Variants in PPFIBP1 observed in about 807,000 individuals in gnomAD.
PPFIBP1 encodes PPFIB scaffold protein 1.
A neutral mutation model predicts 137.8 loss-of-function variants in PPFIBP1; 112 were observed. The observed-to-expected ratio is 0.81, with a 90% CI of 0.70 to 0.95. PPFIBP1 has a LOEUF of 0.95. Ranked by LOEUF, PPFIBP1 falls within the 40% of genes least tolerant of loss-of-function variation. The pLI is 0.00. For missense variants in PPFIBP1, 1,083 were observed against 1,196.6 expected, an observed-to-expected ratio of 0.91 and a Z score of 1.40; for synonymous variants, 378 against 417.3, an observed-to-expected ratio of 0.91 and a Z score of 1.15.
At chr12:27,560,666 T>C (rs1332083605) in intron 1 of PPFIBP1, among the ~76,000 whole-genome samples, 1 of 152,180 alleles carries the variant, frequency 6.6e-6, no homozygotes, top group African/African-American at 2.4e-5. Flanking sequence ...AGTTGAGTAT[T>C]ATTATTACTT....
intron 1 of PPFIBP1, among the ~76,000 whole-genome samples, chr12:27,552,098 A>G (rs1354530901): frequency 6.6e-6 from 1 of 152,222 alleles, no homozygotes. Context: ...TTTCTAATGA[A>G]TTCTCACACA....
chr12:27,598,235 C>T (rs2053546958), intron 2 of PPFIBP1, among the ~76,000 whole-genome samples: 1 of 152,200 alleles, frequency 6.6e-6, no homozygotes, highest in South Asian at 2.1e-4. Flanking sequence ...GTTTAATGGA[C>T]TCACAGTTCC....
rs1256446022 is a variant in PPFIBP1 at position 27,635,095 on chromosome 12, G to A, written c.250G>A (p.Glu84Lys). The A allele has an allele frequency of 6.2e-7, 1 of 1,614,192 alleles. No homozygotes were observed. Among genetic ancestry groups the A allele is most frequent in the East Asian group, 2.2e-5 (1 of 44,880 alleles). Reference protein sequence around the residue: ...IPDSTAETLVEWLQSQMTNGH... With the variant: ...IPDSTAETLVKWLQSQMTNGH... ...AGATTCAACAGCAGAAACGCTTGTT[G>A]AATGGCTTCAGAGTCAAATGGTAGG... Residue 84 changes from glutamate (E) to lysine (K), a missense_variant, in exon 4 of 30, where the codon GAA (glutamate) becomes AAA (lysine). Physicochemically the swap from Glu to Lys is moderately conservative, Grantham distance 56 (BLOSUM62 1). Coordinates refer to ENST00000228425, the MANE Select transcript of PPFIBP1 (RefSeq NM_003622.4).
intron 27 of PPFIBP1, among the ~76,000 whole-genome samples, chr12:27,691,458 T>G (rs2061537824): frequency 6.6e-6 from 1 of 152,168 alleles, no homozygotes; most frequent in East Asian, 1.9e-4. Flanking sequence ...CATATTTTGT[T>G]TATCACGGTG....
intron 1 of PPFIBP1, among the ~76,000 whole-genome samples, chr12:27,546,892 C>A (rs1946289534): frequency 6.6e-6 from 1 of 152,006 alleles, no homozygotes; most frequent in Admixed American, 6.6e-5. Flanking sequence ...GTCCCAGCTA[C>A]CAGGGAGGAT....
rs749084881 is a variant in PPFIBP1 at position 27,654,832 on chromosome 12, G to A, written c.696+18G>A. On this transcript the variant is annotated intron_variant, in intron 8 of 29. Coordinates refer to ENST00000228425, the MANE Select transcript of PPFIBP1 (RefSeq NM_003622.4). ...CAACCAAAGTAAGTTTTTCTCACAG[G>A]TTAACATTTTCAAACAAATGGCATC... is the stretch of plus-strand genomic sequence containing the variant. The A allele has an allele frequency of 6.2e-7, 1 of 1,605,902 alleles. No individual in the cohort carries two copies. The highest frequency in any genetic ancestry group is 1.3e-5 in the African/African-American group (1 of 74,654).
At chr12:27,527,269 G>A (rs183897469) in intron 1 of PPFIBP1, among the ~76,000 whole-genome samples, 3 of 150,404 alleles carry the variant, frequency 2.0e-5, no homozygotes, top group Non-Finnish European at 4.4e-5. Context: ...TTTTTTTTGA[G>A]ACAGGGTCTC....
intron 1 of PPFIBP1, among the ~76,000 whole-genome samples, chr12:27,534,548 A>G (rs1184516889): frequency 6.6e-6 from 1 of 152,060 alleles, no homozygotes; most frequent in Non-Finnish European, 1.5e-5. Context: ...ATTGAAGTGG[A>G]AAGTAGTGGT....
In PPFIBP1 at chr12:27,533,901, C is replaced by A. The variant is rs1183722043; in HGVS notation, c.-124+9536C>A. Among the ~76,000 whole-genome samples, 6 of 152,172 alleles carry A rather than the reference C, an allele frequency of 3.9e-5. No individual in the cohort carries two copies. The East Asian group carries it at 1.2e-3, about 29-fold the overall frequency. The stretch of plus-strand genomic sequence containing the variant: ...AGGGAAGAAGCACAACGTAAGTGAA[C>A]TAATCATGCCATCCAGTGCAACAGA... On this transcript the variant is annotated intron_variant, in intron 1 of 29. Transcript: ENST00000228425.
chr12:27,528,040 C>T (rs1472166311), intron 1 of PPFIBP1, among the ~76,000 whole-genome samples: 1 of 152,086 alleles, frequency 6.6e-6, no homozygotes, highest in Non-Finnish European at 1.5e-5. Context: ...CCTCCACTTC[C>T]CGGGTTCAAA....
At chr12:27,692,537 C>G in intron 28 of PPFIBP1, 54 bp from the exon 29 acceptor site, 1 of 1,554,176 alleles carries the variant, frequency 6.4e-7, no homozygotes, top group Non-Finnish European at 8.9e-7. Flanking sequence ...TCCTGCTGCA[C>G]TTTCCCTGAA....
At chr12:27,640,681 T>C (rs1300419695) in intron 4 of PPFIBP1, among the ~76,000 whole-genome samples, 1 of 151,652 alleles carries the variant, frequency 6.6e-6, no homozygotes, top group Admixed American at 6.6e-5. Flanking sequence ...ACTGCCTGGT[T>C]GCTTGGTTTC....
intron 27 of PPFIBP1, among the ~76,000 whole-genome samples, chr12:27,691,082 C>T (rs2140590542): frequency 6.7e-6 from 1 of 149,584 alleles, no homozygotes; most frequent in East Asian, 1.9e-4. Context: ...TTCTAAGTAT[C>T]ACTGATGTTT....
intron 26 of PPFIBP1, 140 bp from the exon 27 acceptor site, chr12:27,688,875 A>G (rs1187751427): frequency 2.7e-6 from 2 of 736,540 alleles, no homozygotes; most frequent in Non-Finnish European, 4.3e-6. Context: ...ATCAAAGTCC[A>G]TATTGTGTCT....
intron 1 of PPFIBP1, among the ~76,000 whole-genome samples, chr12:27,528,212 G>T (rs928148116): frequency 1.3e-5 from 2 of 152,072 alleles, no homozygotes; most frequent in African/African-American, 4.8e-5. Flanking sequence ...GCCTCCCAAA[G>T]TGCTGGGATT....
intron 1 of PPFIBP1, among the ~76,000 whole-genome samples, chr12:27,539,254 C>A (rs1040417952): frequency 1.3e-5 from 2 of 152,142 alleles, no homozygotes; most frequent in African/African-American, 2.4e-5. Context: ...CAGTGAGAAG[C>A]CTTATGCTAA....
chr12:27,556,575 G>T (rs1174116029), intron 1 of PPFIBP1, among the ~76,000 whole-genome samples: 1 of 152,158 alleles, frequency 6.6e-6, no homozygotes, highest in South Asian at 2.1e-4. Context: ...TTCTTGGTCC[G>T]CATTGGGAAA....
At chr12:27,648,076 A>C (rs1482960650) in intron 6 of PPFIBP1, 1 of 498,828 alleles carries the variant, frequency 2.0e-6, no homozygotes, top group East Asian at 3.5e-5. Context: ...GCTTATTTTA[A>C]TTTTCTTTTT....
At chr12:27,624,761 G>C (rs751675068) in intron 2 of PPFIBP1, among the ~76,000 whole-genome samples, 1 of 152,152 alleles carries the variant, frequency 6.6e-6, no homozygotes, top group Non-Finnish European at 1.5e-5. Flanking sequence ...GCATGTGTGT[G>C]TTTGTATTTG....
Sources: allele counts gnomAD v4.1 joint callset (sites outside exome capture counted in the v4.1 genomes callset), GRCh38; gene constraint gnomAD v4.1.1; transcripts MANE v1.5; gene names NCBI Gene and HGNC (gene_info 2026-07-23, HGNC 2026-07-21).